The following INTS6 variants were observed in gnomAD, a reference collection of about 807,000 sequenced individuals.
INTS6 encodes integrator complex subunit 6.
In INTS6, 16 loss-of-function variants were observed where a neutral mutation model predicts 104.9. The ratio of observed to expected loss-of-function variants is 0.15; its 90% CI spans 0.10 to 0.23. INTS6 has a LOEUF of 0.23. Among genes scored for constraint, INTS6 ranks in the 10% least tolerant of loss-of-function variants. The pLI is 1.00. For synonymous variants in INTS6, 324 were observed against 358.7 expected, an observed-to-expected ratio of 0.90 and a Z score of 1.09; for missense variants, 584 against 1,062.8, an observed-to-expected ratio of 0.55 and a Z score of 6.26.
intron 4 of INTS6, among the ~76,000 whole-genome samples, chr13:51,412,011 A>G (rs1178095657): frequency 6.6e-6 from 1 of 152,230 alleles, no homozygotes; most frequent in Non-Finnish European, 1.5e-5. Flanking sequence ...TGCAGCAAGA[A>G]TGAATCTCAA....
At chr13:51,371,543 C>T (rs1742145813) in intron 15 of INTS6, among the ~76,000 whole-genome samples, 1 of 151,996 alleles carries the variant, frequency 6.6e-6, no homozygotes. Context: ...CAAGCAAAAT[C>T]CCATCTCTTG....
chr13:51,399,147 C>T (rs1956390766), intron 4 of INTS6, among the ~76,000 whole-genome samples: 2 of 152,286 alleles, frequency 1.3e-5, no homozygotes, highest in East Asian at 3.9e-4. Context: ...ATCACCTATA[C>T]TGCTACATAC....
chr13:51,433,998 T>C (rs942051291), intron 3 of INTS6, among the ~76,000 whole-genome samples: 10 of 152,228 alleles, frequency 6.6e-5, no homozygotes, highest in African/African-American at 2.4e-4. Context: ...TATTAAGCTA[T>C]TCTAATTCTA....
the INTS6 span, chr13:51,346,942 C>A: frequency 1.0e-6 from 1 of 993,480 alleles, no homozygotes. Flanking sequence ...TTTAACTCTG[C>A]ACTCCTTGTC....
chr13:51,336,955 C>T, the INTS6 span, among the ~76,000 whole-genome samples: 5 of 152,256 alleles, frequency 3.3e-5, no homozygotes, highest in African/African-American at 9.6e-5. Flanking sequence ...GGAAGCCCAG[C>T]GGCAGCGCTT....
intron 4 of INTS6, among the ~76,000 whole-genome samples, chr13:51,428,637 ATTGC>A (rs1214625006): frequency 3.3e-5 from 5 of 152,112 alleles, no homozygotes; most frequent in Admixed American, 1.3e-4. Context: ...ATGAATTTTT[ATTGC>A]TTGCTTTTTA....
chr13:51,418,581 A>G (rs7991685), intron 4 of INTS6, among the ~76,000 whole-genome samples: 64,889 of 152,022 alleles, frequency 0.43, 14,480 homozygotes, highest in African/African-American at 0.56. Flanking sequence ...CCAATTATTT[A>G]TTGTTAGTTC....
At chr13:51,380,127 T>C (rs138743149) in intron 10 of INTS6, among the ~76,000 whole-genome samples, 6 of 152,116 alleles carry the variant, frequency 3.9e-5, no homozygotes, top group African/African-American at 1.4e-4. Context: ...TATAAAACCA[T>C]TGGGTACAAA....
intron 3 of INTS6, among the ~76,000 whole-genome samples, chr13:51,432,455 TA>T (rs74263286): frequency 0.019 from 2,702 of 141,938 alleles, 74 homozygotes; most frequent in East Asian, 0.076. Flanking sequence ...CACAATTTAT[TA>T]AAAAAAAAAA....
rs1480204578 is a variant in INTS6, at chr13:51,374,599, A to G, written c.1872+55T>C. 12 of 1,592,266 alleles carry G rather than the reference A, an allele frequency of 7.5e-6. No individual in the cohort carries two copies. The Admixed American group carries it at 1.7e-4, about 23-fold the overall frequency. ...TTACTTCAGTTAAATTAAGAACTAT[A>G]AAACTGACAGTGCCTACCATAAACA... On this transcript the variant is annotated intron_variant, in intron 14 of 17. Transcript: ENST00000311234.
At chr13:51,374,545 AG>A in intron 14 of INTS6, 106 bp from the exon 15 acceptor site, 1 of 1,505,090 alleles carries the variant, frequency 6.6e-7, no homozygotes, top group Non-Finnish European at 9.1e-7. Context: ...CATATTTATT[AG>A]ATACTCTACC....
At position 51,438,152 on chromosome 13, in the gene INTS6, T is replaced by C. The variant is rs577404991; in HGVS notation, c.340-7769A>G. 5.9e-5 allele frequency: 9 copies of C among 152,256 alleles called. No individual in the cohort carries two copies. The South Asian group carries it at 1.7e-3, about 28-fold the overall frequency. 9.4% of individuals were successfully genotyped at this position (152,256 alleles called of 1,614,324 possible). A position where few individuals can be genotyped will look rare whatever the true frequency, so the allele number is the denominator to read the frequency against. On this transcript the variant is annotated intron_variant, in intron 3 of 17. Transcript: ENST00000311234. ...CTAAGATTTTTTAGGAGGAAACAAA[T>C]TTCTCTAAATCCATTACACAGTACA...
the INTS6 span, chr13:51,341,296 G>C: frequency 6.2e-7 from 1 of 1,613,458 alleles, no homozygotes. Context: ...GTTTGGAGCA[G>C]AAGGGAGCAC....
At chr13:51,448,196 A>G (rs1952963004) in intron 3 of INTS6, 1 of 152,260 alleles carries the variant, frequency 6.6e-6, no homozygotes, top group Non-Finnish European at 1.5e-5. Context: ...AGGCTGCTTC[A>G]GACTTTCAGC....
intron 4 of INTS6, among the ~76,000 whole-genome samples, chr13:51,402,031 G>A (rs1956450197): frequency 6.6e-6 from 1 of 152,058 alleles, no homozygotes; most frequent in African/African-American, 2.4e-5. Context: ...TATAAACACT[G>A]TAGGTTATTT....
At chr13:51,386,025 G>C (rs888164110) in intron 7 of INTS6, among the ~76,000 whole-genome samples, 1 of 152,114 alleles carries the variant, frequency 6.6e-6, no homozygotes, top group Non-Finnish European at 1.5e-5. Flanking sequence ...AAGCAATTTG[G>C]TTAGTTTAAT....
chr13:51,342,992 G>T, the INTS6 span, among the ~76,000 whole-genome samples: 1 of 152,184 alleles, frequency 6.6e-6, no homozygotes, highest in Non-Finnish European at 1.5e-5. Context: ...AGTGATGTCT[G>T]CCTACTATTG....
chr13:51,404,967 C>T (rs953408034), intron 4 of INTS6, among the ~76,000 whole-genome samples: 4 of 152,004 alleles, frequency 2.6e-5, no homozygotes, highest in Admixed American at 6.5e-5. Flanking sequence ...TGTAAGTAAA[C>T]AATTATGTGT....
Position 51,367,830 on chromosome 13 carries a change from G to C in INTS6, c.2545C>G (p.Gln849Glu). 1.3e-6 allele frequency: 2 copies of C among 1,585,840 alleles called. No homozygotes were observed. The highest frequency in any genetic ancestry group is 1.7e-6 in the Non-Finnish European group (2 of 1,163,762). Residue 849 changes from glutamine to glutamate, a missense_variant, in exon 17 of 18, where the codon CAA becomes GAA. Coordinates refer to ENST00000311234, the MANE Select transcript of INTS6 (RefSeq NM_012141.3). ...CTTGATGCTTCTTTAATGACATTTT[G>C]TAAAAATATTAGTCTTGTTTGTAAA... is the stretch of plus-strand genomic sequence containing the variant. ...GSLQTRLIFL[Q>E]NVIKEASRFK...
Sources: allele counts gnomAD v4.1 joint callset (sites outside exome capture counted in the v4.1 genomes callset), GRCh38; gene constraint gnomAD v4.1.1; transcripts MANE v1.5; gene names NCBI Gene and HGNC (gene_info 2026-07-23, HGNC 2026-07-21).